PLEKHM3: variants seen among roughly 807,000 people sequenced by gnomAD.
PLEKHM3 encodes pleckstrin homology domain-containing family M member 3.
PLEKHM3 carries 45 observed loss-of-function variants against 81.8 expected under a neutral mutation model. The ratio of observed to expected loss-of-function variants is 0.55; its 90% CI spans 0.43 to 0.71. PLEKHM3 has a LOEUF of 0.71. Among genes scored for constraint, PLEKHM3 ranks in the 30% least tolerant of loss-of-function variants. The probability of loss-of-function intolerance (pLI) is 0.00; values close to 1 mark genes in which losing one functional copy is unlikely to be tolerated. For missense variants in PLEKHM3, 788 were observed against 924.3 expected, an observed-to-expected ratio of 0.85 and a Z score of 1.91; for synonymous variants, 352 against 356.4, an observed-to-expected ratio of 0.99 and a Z score of 0.14.
At chr2:207,850,077 A>G (rs920194475) in intron 7 of PLEKHM3, among the ~76,000 whole-genome samples, 2 of 152,172 alleles carry the variant, frequency 1.3e-5, no homozygotes, top group African/African-American at 4.8e-5. Flanking sequence ...AGGACCAAAC[A>G]CAGGAGGCAA....
intron 3 of PLEKHM3, among the ~76,000 whole-genome samples, chr2:207,961,911 T>G (rs1690748155): frequency 6.6e-6 from 1 of 152,204 alleles, no homozygotes; most frequent in African/African-American, 2.4e-5. Context: ...CACACATCAT[T>G]CATCCTCCTT....
At chr2:207,939,965 T>C (rs1030537600) in intron 4 of PLEKHM3, among the ~76,000 whole-genome samples, 8 of 152,146 alleles carry the variant, frequency 5.3e-5, no homozygotes, top group African/African-American at 1.9e-4. Flanking sequence ...TATCTGGCAG[T>C]GGTGACTGTG....
intron 6 of PLEKHM3, among the ~76,000 whole-genome samples, chr2:207,862,416 T>C (rs1574345828): frequency 9.3e-6 from 1 of 107,562 alleles, no homozygotes; most frequent in South Asian, 3.0e-4. Context: ...GCAGACAGAT[T>C]GCCTGAGGTT....
At chr2:207,941,127 C>A (rs1017226310) in intron 4 of PLEKHM3, among the ~76,000 whole-genome samples, 2 of 152,164 alleles carry the variant, frequency 1.3e-5, no homozygotes, top group African/African-American at 2.4e-5. Context: ...TGACCACTCA[C>A]AATTTTCATG....
intron 6 of PLEKHM3, among the ~76,000 whole-genome samples, chr2:207,891,642 GA>G (rs1688063700): frequency 6.6e-6 from 1 of 152,070 alleles, no homozygotes; most frequent in Non-Finnish European, 1.5e-5. Context: ...CAGTCCTAAA[GA>G]AAAAAACCAA....
intron 7 of PLEKHM3, among the ~76,000 whole-genome samples, chr2:207,848,155 C>T (rs539300840): frequency 2.0e-5 from 3 of 152,234 alleles, no homozygotes; most frequent in Admixed American, 6.5e-5. Context: ...TAGGAAGCCA[C>T]GGGGAAAGCC....
chr2:207,916,639 T>C (rs1689001565), intron 5 of PLEKHM3, among the ~76,000 whole-genome samples: 1 of 152,044 alleles, frequency 6.6e-6, no homozygotes, highest in African/African-American at 2.4e-5. Context: ...TCCCAGCTGC[T>C]AGGAATGCTG....
chr2:208,022,373 A>G (rs1225839029), intron 1 of PLEKHM3, among the ~76,000 whole-genome samples: 1 of 152,202 alleles, frequency 6.6e-6, no homozygotes, highest in Non-Finnish European at 1.5e-5. Flanking sequence ...AGAAGACTGG[A>G]TGGGCTTGGC....
At chr2:207,999,557 A>G (rs1223023291) in intron 2 of PLEKHM3, among the ~76,000 whole-genome samples, 1 of 152,146 alleles carries the variant, frequency 6.6e-6, no homozygotes, top group Non-Finnish European at 1.5e-5. Flanking sequence ...ATGAGCTACA[A>G]TTACATCATC....
chr2:207,908,618 C>T, intron 5 of PLEKHM3, 41 bp from the exon 6 acceptor site: 2 of 1,511,076 alleles, frequency 1.3e-6, no homozygotes. Flanking sequence ...TGTGGTGCTG[C>T]CATAACACAC....
intron 3 of PLEKHM3, among the ~76,000 whole-genome samples, chr2:207,947,902 A>G (rs554447499): frequency 6.6e-6 from 1 of 152,356 alleles, no homozygotes; most frequent in South Asian, 2.1e-4. Context: ...TTTTCATCAC[A>G]AATACAATGG....
chr2:207,842,527 G>A (rs764016624), intron 7 of PLEKHM3, among the ~76,000 whole-genome samples: 13 of 152,152 alleles, frequency 8.5e-5, no homozygotes, highest in Non-Finnish European at 1.9e-4. Context: ...AACCAAAGAT[G>A]TATTACCTTG....
At chr2:207,957,725 G>A (rs1690566684) in intron 3 of PLEKHM3, among the ~76,000 whole-genome samples, 1 of 151,886 alleles carries the variant, frequency 6.6e-6, no homozygotes, top group South Asian at 2.1e-4. Flanking sequence ...AAAAGTATGT[G>A]GTATGAAATA....
chr2:207,966,243 A>T (rs1253033133), intron 3 of PLEKHM3, among the ~76,000 whole-genome samples: 1 of 152,266 alleles, frequency 6.6e-6, no homozygotes, highest in Non-Finnish European at 1.5e-5. Context: ...TATCCTGCAG[A>T]TGAGAAAATT....
At chr2:207,989,791 C>G (rs1191017988) in intron 2 of PLEKHM3, among the ~76,000 whole-genome samples, 6 of 152,214 alleles carry the variant, frequency 3.9e-5, no homozygotes, top group South Asian at 2.1e-4. Context: ...AAACATCAGA[C>G]AGTTGGAGGA....
chr2:207,832,013 C>T (rs770997066), intron 7 of PLEKHM3, among the ~76,000 whole-genome samples: 1 of 152,234 alleles, frequency 6.6e-6, no homozygotes, highest in Non-Finnish European at 1.5e-5. Context: ...TTCAGTACCA[C>T]TCCCTTATCT....
In PLEKHM3 at chr2:207,865,796, AAAAAAAGATAT is replaced by A. The variant is rs1228988797; in HGVS notation, c.1951-4545_1951-4535del. Among the ~76,000 whole-genome samples, 74 of 45,404 alleles carry A rather than the reference AAAAAAAGATAT, an allele frequency of 1.6e-3. 2 individuals are homozygous for A. The highest frequency in any genetic ancestry group is 7.7e-3 in the African/African-American group (69 of 8,930). 29.8% of individuals were successfully genotyped at this position (45,404 alleles called of 152,430 possible). ...AACTCCGACTCAAAAAAAAAAAAAA[AAAAAAAGATAT>A]ATATATATATATATATATATATATA... is the stretch of plus-strand genomic sequence containing the variant. On this transcript the variant is annotated intron_variant, in intron 6 of 7. Coordinates refer to ENST00000427836, the MANE Select transcript of PLEKHM3 (RefSeq NM_001080475.3).
chr2:207,887,468 A>G (rs1687917449), intron 6 of PLEKHM3, among the ~76,000 whole-genome samples: 1 of 152,240 alleles, frequency 6.6e-6, no homozygotes, highest in East Asian at 1.9e-4. Context: ...AAGGCTGCCC[A>G]AATGTATTAG....
intron 6 of PLEKHM3, among the ~76,000 whole-genome samples, chr2:207,869,270 A>T (rs185771160): frequency 1.3e-5 from 2 of 152,302 alleles, no homozygotes; most frequent in African/African-American, 4.8e-5. Flanking sequence ...AGGTTTAGTT[A>T]TCTCTATTTA....
Sources: allele counts gnomAD v4.1 joint callset (sites outside exome capture counted in the v4.1 genomes callset), GRCh38; gene constraint gnomAD v4.1.1; transcripts MANE v1.5; gene names NCBI Gene and HGNC (gene_info 2026-07-23, HGNC 2026-07-21).